The following JARID2 variants were observed in gnomAD, a reference collection of about 807,000 sequenced individuals.
JARID2 encodes the protein protein Jumonji.
A neutral mutation model predicts 125.6 loss-of-function variants in JARID2; 21 were observed. The observed-to-expected ratio is 0.17, with a 90% confidence interval of 0.12 to 0.24. The LOEUF (loss-of-function observed/expected upper bound fraction) is 0.24, where lower values mean the gene tolerates loss of function less well. Ranked by LOEUF, JARID2 falls within the 10% of genes least tolerant of loss-of-function variation. The pLI is 1.00. For synonymous variants in JARID2, 736 were observed against 661.6 expected (o/e 1.11, Z -1.73); for missense variants, 1,303 against 1,639.6 (o/e 0.79, Z 3.55).
intron 1 of JARID2, among the ~76,000 whole-genome samples, chr6:15,339,965 A>AT (rs113852404): frequency 0.024 from 3,569 of 147,298 alleles, 147 homozygotes; most frequent in African/African-American, 0.082. Context: ...TTTGGCATTA[A>AT]TTTTTTTTTT....
At chr6:15,499,352 G>A (rs941637709) in intron 7 of JARID2, among the ~76,000 whole-genome samples, 10 of 152,222 alleles carry the variant, frequency 6.6e-5, no homozygotes, top group African/African-American at 1.4e-4. Context: ...GCTCGGCCAC[G>A]TAGCAGCCTC....
rs1387841037 is a variant in JARID2 at position 15,246,141 on chromosome 6, C to T, written c.-399C>T. Among the ~76,000 whole-genome samples the T allele has an allele frequency of 6.6e-6, 1 of 152,118 alleles. No individual in the cohort carries two copies. Among genetic ancestry groups the T allele is most frequent in the Non-Finnish European group, 1.5e-5 (1 of 68,024 alleles). ...TCCAACATTTTTTATTTATCTTTCC[C>T]TTTTCTTTTCCAAGATGTAACTACG... On this transcript the variant is annotated 5_prime_UTR_variant, in exon 1 of 18. Transcript: ENST00000341776.
intron 5 of JARID2, among the ~76,000 whole-genome samples, chr6:15,480,926 A>G (rs1371799710): frequency 6.6e-6 from 1 of 152,226 alleles, no homozygotes; most frequent in Non-Finnish European, 1.5e-5. Flanking sequence ...GTCAGCATCT[A>G]AATATGCGAA....
At chr6:15,300,748 A>G (rs1023081772) in intron 1 of JARID2, among the ~76,000 whole-genome samples, 1 of 146,390 alleles carries the variant, frequency 6.8e-6, no homozygotes, top group Non-Finnish European at 1.5e-5. Context: ...AGAGAGAGAG[A>G]GACAGAGAGG....
At chr6:15,381,934 T>C (rs1223479879) in intron 2 of JARID2, among the ~76,000 whole-genome samples, 1 of 152,154 alleles carries the variant, frequency 6.6e-6, no homozygotes, top group Non-Finnish European at 1.5e-5. Context: ...ATGAGAAAAA[T>C]AGATGCAACT....
At chr6:15,278,414 G>A (rs1043858696) in intron 1 of JARID2, among the ~76,000 whole-genome samples, 8 of 151,610 alleles carry the variant, frequency 5.3e-5, no homozygotes, top group African/African-American at 1.2e-4. Flanking sequence ...GTGAAACCCC[G>A]TCTCTACTAA....
intron 3 of JARID2, among the ~76,000 whole-genome samples, chr6:15,425,985 T>C (rs186911416): frequency 7.1e-4 from 108 of 152,276 alleles, no homozygotes; most frequent in African/African-American, 2.6e-3. Context: ...CCTAATAGCA[T>C]GATGTGAGCT....
chr6:15,375,270 T>C (rs1764309535), intron 2 of JARID2, among the ~76,000 whole-genome samples: 4 of 152,192 alleles, frequency 2.6e-5, no homozygotes, highest in Admixed American at 6.5e-5. Context: ...AGATGACCTC[T>C]CTGAACTTCA....
intron 9 of JARID2, among the ~76,000 whole-genome samples, chr6:15,505,854 C>T (rs917223439): frequency 2.0e-5 from 3 of 152,248 alleles, no homozygotes; most frequent in Non-Finnish European, 2.9e-5. Flanking sequence ...CCAGAGCACG[C>T]GTTGCGTTTG....
At chr6:15,383,880 C>T (rs182514500) in intron 2 of JARID2, among the ~76,000 whole-genome samples, 47 of 152,274 alleles carry the variant, frequency 3.1e-4, no homozygotes, top group South Asian at 8.3e-4. Context: ...CTGCACCCTC[C>T]GCCTCTCAGG....
chr6:15,310,778 A>G (rs1310289005), intron 1 of JARID2, among the ~76,000 whole-genome samples: 1 of 152,194 alleles, frequency 6.6e-6, no homozygotes, highest in Non-Finnish European at 1.5e-5. Context: ...GACCAAGATT[A>G]TAGTCTTAAA....
At chr6:15,365,528 G>A (rs1763944456) in intron 1 of JARID2, among the ~76,000 whole-genome samples, 1 of 152,152 alleles carries the variant, frequency 6.6e-6, no homozygotes, top group Non-Finnish European at 1.5e-5. Context: ...TTTTATAAAG[G>A]CTCAGTTGGT....
rs533224562 is a variant in JARID2, at chr6:15,440,774, C to T, written c.324-11232C>T. On this transcript the variant is annotated intron_variant, in intron 3 of 17. Coordinates refer to ENST00000341776, the MANE Select transcript of JARID2 (RefSeq NM_004973.4). ...TTGTTTCAGCATCAGAGAGCTCAAA[C>T]AGTCAGAAGGTGGAGGAGAATTAGT... is the stretch of plus-strand genomic sequence containing the variant. Among the ~76,000 whole-genome samples the T allele has an allele frequency of 2.6e-5, 4 of 152,308 alleles. No homozygotes were observed. In the East Asian group the frequency reaches 5.8e-4, roughly 22 times the overall value.
intron 1 of JARID2, among the ~76,000 whole-genome samples, chr6:15,330,822 A>AT (rs1454296941): frequency 2.0e-5 from 3 of 152,220 alleles, no homozygotes; most frequent in Non-Finnish European, 2.9e-5. Context: ...AAAAATATAT[A>AT]TTTTAAGTCC....
At chr6:15,462,447 G>T (rs1198978095) in intron 4 of JARID2, among the ~76,000 whole-genome samples, 1 of 152,222 alleles carries the variant, frequency 6.6e-6, no homozygotes, top group Non-Finnish European at 1.5e-5. Flanking sequence ...GCTTTGAACA[G>T]TGCTGATACA....
rs71535032 is a variant in JARID2 at position 15,320,838 on chromosome 6, T to TTC, written c.46-53265_46-53264dup. ...CATGGCCATGCAAGAATATGATTCA[T>TTC]TCTCTCTCTCTCTCTGTGTGTGTGT... is the stretch of plus-strand genomic sequence containing the variant. On this transcript the variant is annotated intron_variant, in intron 1 of 17. Coordinates refer to ENST00000341776, the MANE Select transcript of JARID2 (RefSeq NM_004973.4). 5.6e-3 allele frequency among the ~76,000 whole-genome samples: 811 copies of TTC among 144,498 alleles called. 7 individuals are homozygous for TTC. Among genetic ancestry groups the TTC allele is most frequent in the African/African-American group, 0.018 (692 of 38,350 alleles). 94.8% of individuals were successfully genotyped at this position (144,498 alleles called of 152,430 possible). A position where few individuals can be genotyped will look rare whatever the true frequency, so the allele number is the denominator to read the frequency against.
intron 1 of JARID2, among the ~76,000 whole-genome samples, chr6:15,316,365 A>G (rs1454704367): frequency 1.3e-5 from 2 of 152,174 alleles, no homozygotes; most frequent in Non-Finnish European, 2.9e-5. Flanking sequence ...ATGAGCCACC[A>G]TACCCGGCCA....
intron 5 of JARID2, among the ~76,000 whole-genome samples, chr6:15,469,681 T>G (rs1768977355): frequency 6.6e-6 from 1 of 151,642 alleles, no homozygotes; most frequent in African/African-American, 2.4e-5. Flanking sequence ...GAAGCCGGCA[T>G]CGATGATGAG....
chr6:15,382,568 T>C (rs1404406561), intron 2 of JARID2, among the ~76,000 whole-genome samples: 2 of 152,166 alleles, frequency 1.3e-5, no homozygotes, highest in Non-Finnish European at 2.9e-5. Flanking sequence ...AATTAAGGAC[T>C]GCTAGAGCAG....
Sources: gnomAD v4.1 joint callset for allele counts (sites outside exome capture counted in the v4.1 genomes callset) on GRCh38, gnomAD v4.1.1 for gene constraint, MANE v1.5 for transcripts, NCBI Gene and HGNC (gene_info 2026-07-23, HGNC 2026-07-21) for gene names.